Variants in VDAC1 observed in about 807,000 individuals in gnomAD.
VDAC1 encodes the protein voltage dependent anion channel 1, also known as non-selective voltage-gated ion channel VDAC1.
Under a neutral mutation model 34.7 loss-of-function variants are expected in VDAC1, and 10 were observed. That is an observed-to-expected ratio of 0.29 (90% CI 0.18 to 0.49). The LOEUF (loss-of-function observed/expected upper bound fraction) is 0.49, where lower values mean the gene tolerates loss of function less well. VDAC1 is among the 20% of genes least tolerant of loss of function. The pLI, the probability that VDAC1 is intolerant of heterozygous loss-of-function variation, is 0.99. For synonymous variants in VDAC1, 130 were observed against 136.0 expected, an observed-to-expected ratio of 0.96 and a Z score of 0.30; for missense variants, 230 against 347.9, an observed-to-expected ratio of 0.66 and a Z score of 2.69.
At chr5:134,017,600 T>G in the VDAC1 span, among the ~76,000 whole-genome samples, 4 of 152,104 alleles carry the variant, frequency 2.6e-5, no homozygotes, top group African/African-American at 9.7e-5. Flanking sequence ...ACTTAATAAA[T>G]AATAAATGGT....
the VDAC1 span, among the ~76,000 whole-genome samples, chr5:134,060,649 AG>A: frequency 6.6e-6 from 1 of 151,712 alleles, no homozygotes. Context: ...TGGAAGACAA[AG>A]GATGGGGAAG....
chr5:133,978,013 A>T (rs560994232), intron 6 of VDAC1, among the ~76,000 whole-genome samples: 1 of 152,288 alleles, frequency 6.6e-6, no homozygotes, highest in South Asian at 2.1e-4. Context: ...GTTCTGCCTC[A>T]TCATTGTGGG....
intron 5 of VDAC1, 146 bp downstream of exon 5, chr5:133,990,708 CA>C (rs1224076555): frequency 1.1e-6 from 1 of 885,132 alleles, no homozygotes; most frequent in African/African-American, 1.7e-5. Context: ...CCCCTGGGAC[CA>C]AATCAAAACC....
chr5:134,098,117 A>G, the VDAC1 span, among the ~76,000 whole-genome samples: 1 of 151,866 alleles, frequency 6.6e-6, no homozygotes, highest in East Asian at 1.9e-4. Context: ...GGGATCCACT[A>G]GCCTCAGCCT....
the VDAC1 span, among the ~76,000 whole-genome samples, chr5:134,110,865 G>T: frequency 2.6e-5 from 4 of 152,244 alleles, no homozygotes; most frequent in African/African-American, 9.6e-5. Flanking sequence ...AAAAGGAAAG[G>T]AAATGTATAT....
chr5:134,092,405 G>A, the VDAC1 span, among the ~76,000 whole-genome samples: 8 of 152,180 alleles, frequency 5.3e-5, no homozygotes, highest in Non-Finnish European at 1.2e-4. Context: ...TGGAGAGGGA[G>A]GTGTGTGGAA....
At chr5:134,114,196 G>A in the VDAC1 span, among the ~76,000 whole-genome samples, 1 of 152,302 alleles carries the variant, frequency 6.6e-6, no homozygotes, top group South Asian at 2.1e-4. Context: ...ATGGAGGATG[G>A]GGCAAGAGCC....
intron 1 of VDAC1, among the ~76,000 whole-genome samples, chr5:134,001,357 C>T (rs1753545015): frequency 6.6e-6 from 1 of 152,132 alleles, no homozygotes; most frequent in African/African-American, 2.4e-5. Flanking sequence ...TCGTTGAGCC[C>T]CCAGAAAGGT....
chr5:134,090,162 T>C, the VDAC1 span, among the ~76,000 whole-genome samples: 2 of 152,108 alleles, frequency 1.3e-5, no homozygotes, highest in Non-Finnish European at 2.9e-5. Flanking sequence ...CCGAGCACTA[T>C]CCATGCTGCC....
chr5:134,007,803 C>T (rs1018046455), upstream of VDAC1, among the ~76,000 whole-genome samples: 2 of 152,164 alleles, frequency 1.3e-5, no homozygotes, highest in African/African-American at 4.8e-5. Context: ...TGGCTCTGGG[C>T]CCCTGTTCCT....
chr5:133,995,900 T>TG (rs1445426543), intron 1 of VDAC1, among the ~76,000 whole-genome samples: 1 of 152,182 alleles, frequency 6.6e-6, no homozygotes, highest in Non-Finnish European at 1.5e-5. Flanking sequence ...GGTGCTGACT[T>TG]GAAGGCTGAA....
chr5:134,096,879 G>A, the VDAC1 span, among the ~76,000 whole-genome samples: 9 of 152,316 alleles, frequency 5.9e-5, no homozygotes, highest in East Asian at 3.9e-4. Flanking sequence ...ATACGCCACC[G>A]CACCAGCCCC....
At chr5:134,111,124 G>A in the VDAC1 span, among the ~76,000 whole-genome samples, 1 of 152,180 alleles carries the variant, frequency 6.6e-6, no homozygotes, top group Non-Finnish European at 1.5e-5. Context: ...CCTATGGGGA[G>A]ACTGAGGCTC....
chr5:134,055,588 GTTTTTTTTT>G, the VDAC1 span, among the ~76,000 whole-genome samples: 380 of 59,600 alleles, frequency 6.4e-3, 8 homozygotes, highest in African/African-American at 0.02. Flanking sequence ...CCCCGCTAAT[GTTTTTTTTT>G]TTTTTTTTTT....
the VDAC1 span, among the ~76,000 whole-genome samples, chr5:134,020,923 C>T: frequency 5.3e-5 from 8 of 150,888 alleles, no homozygotes; most frequent in South Asian, 2.1e-4. Context: ...TTTGGGAGGC[C>T]GAGGTGGGAG....
chr5:134,039,618 C>A, the VDAC1 span, among the ~76,000 whole-genome samples: 7 of 152,274 alleles, frequency 4.6e-5, no homozygotes, highest in South Asian at 2.1e-4. Context: ...CGTGAGCCAC[C>A]GCGCCCGGCA....
At chr5:134,063,150 G>A in the VDAC1 span, among the ~76,000 whole-genome samples, 1 of 152,042 alleles carries the variant, frequency 6.6e-6, no homozygotes, top group Non-Finnish European at 1.5e-5. Flanking sequence ...TTCCCCTCAA[G>A]TTAATATATG....
the VDAC1 span, among the ~76,000 whole-genome samples, chr5:134,087,321 G>A: frequency 6.6e-6 from 1 of 151,950 alleles, no homozygotes; most frequent in Admixed American, 6.6e-5. Context: ...ACAATGGAAA[G>A]TTTCTCACCT....
the VDAC1 span, among the ~76,000 whole-genome samples, chr5:134,033,496 C>A: frequency 6.6e-6 from 1 of 151,592 alleles, no homozygotes; most frequent in African/African-American, 2.4e-5. Flanking sequence ...TGGCCTAGAG[C>A]GGCAGGCAGG....
Sources: allele counts gnomAD v4.1 joint callset (sites outside exome capture counted in the v4.1 genomes callset), GRCh38; gene constraint gnomAD v4.1.1; transcripts MANE v1.5; gene names NCBI Gene and HGNC (gene_info 2026-07-23, HGNC 2026-07-21).